Variants in RASGEF1A observed in about 807,000 individuals in gnomAD.
RASGEF1A encodes the protein ras-GEF domain-containing family member 1A.
A neutral mutation model predicts 56.4 loss-of-function variants in RASGEF1A; 18 were observed. The ratio of observed to expected loss-of-function variants is 0.32; its 90% CI spans 0.22 to 0.47. The LOEUF is 0.47. Among genes scored for constraint, RASGEF1A ranks in the 20% least tolerant of loss-of-function variants. RASGEF1A has a pLI of 1.00. For synonymous variants in RASGEF1A, 245 were observed against 242.6 expected, an observed-to-expected ratio of 1.01 and a Z score of -0.09; for missense variants, 422 against 627.1, an observed-to-expected ratio of 0.67 and a Z score of 3.49.
At chr10:43,200,479 A>G (rs545295289) in intron 5 of RASGEF1A, among the ~76,000 whole-genome samples, 188 bp downstream of exon 5, 12 of 152,300 alleles carry the variant, frequency 7.9e-5, no homozygotes, top group African/African-American at 2.6e-4. Context: ...TGAGGACGTG[A>G]GTGCCAGGCA....
chr10:43,203,199 A>G, intron 3 of RASGEF1A, 99 bp downstream of exon 3: 2 of 678,306 alleles, frequency 2.9e-6, no homozygotes, highest in Non-Finnish European at 3.6e-6. Context: ...CCCATCCCCC[A>G]GCTCTACCGT....
intron 1 of RASGEF1A, among the ~76,000 whole-genome samples, chr10:43,231,505 G>A (rs1381065188): frequency 6.6e-6 from 1 of 152,256 alleles, no homozygotes; most frequent in Non-Finnish European, 1.5e-5. Context: ...AGAGGAGGTG[G>A]TGGATGGGTG....
intron 1 of RASGEF1A, chr10:43,229,558 G>A: frequency 8.0e-7 from 1 of 1,254,360 alleles, no homozygotes; most frequent in Non-Finnish European, 1.1e-6. Flanking sequence ...GGATGCAGGG[G>A]ACCGTCGCAC....
chr10:43,224,744 A>G (rs1255909525), intron 1 of RASGEF1A, among the ~76,000 whole-genome samples: 1 of 152,244 alleles, frequency 6.6e-6, no homozygotes, highest in Non-Finnish European at 1.5e-5. Flanking sequence ...TTTAGAAAAC[A>G]TAATAAGATA....
rs1839885781 is a variant in RASGEF1A, at chr10:43,200,872, T to C, written c.476A>G (p.Lys159Arg). The C allele has an allele frequency of 1.2e-6, 2 of 1,613,952 alleles. No individual in the cohort carries two copies. The highest frequency in any genetic ancestry group is 1.3e-5 in the African/African-American group (1 of 75,064). Reference protein sequence around the residue: ...TQCDEENGTVKKAIAQMTQSL... With the variant: ...TQCDEENGTVRKAIAQMTQSL... Reference sequence around the variant, plus strand: ...CTGTGTCATCTGGGCAATGGCCTTCTTCACTGTGCCATTCTCCTGTGGGGT... The same window carrying C: ...CTGTGTCATCTGGGCAATGGCCTTCCTCACTGTGCCATTCTCCTGTGGGGT... Residue 159 changes from lysine (K) to arginine (R), a missense_variant, in exon 5 of 13, where the codon AAG becomes AGG. Physicochemically the swap from Lys to Arg is conservative, Grantham distance 26. Coordinates refer to ENST00000395810, the MANE Select transcript of RASGEF1A (RefSeq NM_145313.4).
chr10:43,252,816 C>T (rs1309037170), intron 1 of RASGEF1A, among the ~76,000 whole-genome samples: 1 of 151,970 alleles, frequency 6.6e-6, no homozygotes, highest in African/African-American at 2.4e-5. Flanking sequence ...TGGCTCGCGG[C>T]GGGAGGCAGC....
At chr10:43,264,958 C>T (rs368206998) in intron 1 of RASGEF1A, among the ~76,000 whole-genome samples, 9 of 152,290 alleles carry the variant, frequency 5.9e-5, no homozygotes, top group African/African-American at 2.2e-4. Flanking sequence ...CAAAGCTGTC[C>T]CATCCTGCCC....
intron 1 of RASGEF1A, among the ~76,000 whole-genome samples, chr10:43,244,893 T>G (rs949304139): frequency 2.6e-5 from 4 of 151,868 alleles, no homozygotes; most frequent in Non-Finnish European, 5.9e-5. Flanking sequence ...CAACCTAACA[T>G]TCCACCTTGA....
Position 43,201,974 on chromosome 10 carries a change from C to A in RASGEF1A, c.322-29G>T, listed in dbSNP as rs757815449. On this transcript the variant is annotated intron_variant, in intron 3 of 12. Coordinates refer to ENST00000395810, the MANE Select transcript of RASGEF1A (RefSeq NM_145313.4). ...GGGCAGCAGGGGATACAGAGTAAGG[C>A]CCCACAGGGCAGAGTAGGGTACTAG... 3 of 1,581,684 alleles carry A rather than the reference C, an allele frequency of 1.9e-6. No homozygotes were observed. In the East Asian group the frequency reaches 6.8e-5, roughly 36 times the overall value.
At chr10:43,207,981 G>T (rs1840019468) in intron 1 of RASGEF1A, 1 of 926,352 alleles carries the variant, frequency 1.1e-6, no homozygotes, top group South Asian at 5.0e-5. Context: ...AAAGCCAGAA[G>T]TGGCTGTATC....
chr10:43,208,596 C>A (rs949038912), intron 1 of RASGEF1A: 1 of 985,490 alleles, frequency 1.0e-6, no homozygotes, highest in Non-Finnish European at 1.2e-6. Context: ...TGAGGGGGAC[C>A]GTGTGGAGCC....
chr10:43,213,969 C>T lies in RASGEF1A; in HGVS notation c.-6-7847G>A, dbSNP rs776866368. Among the ~76,000 whole-genome samples the T allele has an allele frequency of 6.6e-4, 101 of 152,306 alleles. No individual in the cohort carries two copies. In the Middle Eastern group the frequency reaches 0.01, roughly 15 times the overall value. ...TCTAATGTGACCCATGCCCGTCCCC[C>T]AGGCAGCACACAGAGAGAGGCCATC... is the stretch of plus-strand genomic sequence containing the variant. On this transcript the variant is annotated intron_variant, in intron 1 of 12. Coordinates refer to ENST00000395810, the MANE Select transcript of RASGEF1A (RefSeq NM_145313.4).
chr10:43,206,241 G>T, intron 1 of RASGEF1A, 119 bp from the exon 2 acceptor site: 1 of 846,872 alleles, frequency 1.2e-6, no homozygotes, highest in Non-Finnish European at 1.8e-6. Context: ...CAGGGGCGCA[G>T]CGGCACTGGC....
At chr10:43,223,220 G>A (rs1264699646) in intron 1 of RASGEF1A, among the ~76,000 whole-genome samples, 1 of 152,150 alleles carries the variant, frequency 6.6e-6, no homozygotes, top group Non-Finnish European at 1.5e-5. Context: ...ACATTCTACT[G>A]TCCAGAGTCT....
chr10:43,239,402 C>G (rs536017621), intron 1 of RASGEF1A, among the ~76,000 whole-genome samples: 1 of 152,034 alleles, frequency 6.6e-6, no homozygotes, highest in African/African-American at 2.4e-5. Flanking sequence ...GGAGTAAGGA[C>G]CTCCAAAAAC....
Position 43,206,043 on chromosome 10 carries a change from C to G in RASGEF1A, c.74G>C (p.Gly25Ala), listed in dbSNP as rs1482117311. The stretch of plus-strand genomic sequence containing the variant: ...GCCACCGGCCCCGCCTCCACGCTCC[C>G]CCATGCCAGGCTGCACCTGTCCGCT... ...SCSGQVQPGM[G>A]ERGGGAGGGS... Residue 25 changes from glycine (G) to alanine (A), a missense_variant, in exon 2 of 13, where the codon GGG becomes GCG. Transcript: ENST00000395810. 1 of 1,609,838 alleles carries G rather than the reference C, an allele frequency of 6.2e-7. No homozygotes were observed. Among genetic ancestry groups the G allele is most frequent in the East Asian group, 2.2e-5 (1 of 44,774 alleles).
At chr10:43,241,383 C>T (rs895537676) in intron 1 of RASGEF1A, among the ~76,000 whole-genome samples, 3 of 152,016 alleles carry the variant, frequency 2.0e-5, no homozygotes, top group Admixed American at 1.3e-4. Context: ...ATGGCAGTAA[C>T]AGCACAAAGG....
chr10:43,216,196 C>T (rs1413734956), intron 1 of RASGEF1A, among the ~76,000 whole-genome samples: 4 of 152,134 alleles, frequency 2.6e-5, no homozygotes, highest in Admixed American at 1.3e-4. Context: ...GGAGCGGGGG[C>T]GCTGGAGCCA....
chr10:43,223,838 A>G (rs11238481), intron 1 of RASGEF1A, among the ~76,000 whole-genome samples: 25,154 of 152,018 alleles, frequency 0.17, 2,687 homozygotes, highest in East Asian at 0.51. Context: ...AAATTATAAA[A>G]ATTTATTTTA....
Sources: gnomAD v4.1 joint callset for allele counts (sites outside exome capture counted in the v4.1 genomes callset) on GRCh38, gnomAD v4.1.1 for gene constraint, MANE v1.5 for transcripts, NCBI Gene and HGNC (gene_info 2026-07-23, HGNC 2026-07-21) for gene names.